IFIT2: variants seen among roughly 807,000 people sequenced by gnomAD.
The protein encoded by IFIT2 is interferon induced protein with tetratricopeptide repeats 2.
IFIT2 carries 3 observed loss-of-function variants against 2.5 expected under a neutral mutation model. The ratio of observed to expected loss-of-function variants is 1.21; its 90% CI spans 0.55 to 3.14. The LOEUF (loss-of-function observed/expected upper bound fraction) is 3.14, where lower values mean the gene tolerates loss of function less well. IFIT2 is among the 30% of genes most tolerant of loss of function. The pLI, the probability that IFIT2 is intolerant of heterozygous loss-of-function variation, is 0.03. For synonymous variants in IFIT2, 212 were observed against 200.7 expected (o/e 1.06, Z -0.48); for missense variants, 493 against 558.9 (o/e 0.88, Z 1.19).
At position 89,306,464 on chromosome 10, in the gene IFIT2, A is replaced by G. The variant is rs1190103336; in HGVS notation, c.508A>G (p.Lys170Glu). The change falls in exon 2 of 2, where the codon AAG (lysine) becomes GAG (glutamate). Residue 170 changes from lysine to glutamate, a missense_variant. Transcript: ENST00000371826. Reference sequence around the variant, plus strand: ...TGAGAAGGCTCTGGAAAAGAAGCCAAAGAACCCAGAATTCACCTCTGGACT... The same window carrying G: ...TGAGAAGGCTCTGGAAAAGAAGCCAGAGAACCCAGAATTCACCTCTGGACT... ...CFEKALEKKP[K>E]NPEFTSGLAI... 6.2e-7 allele frequency: 1 copy of G among 1,614,004 alleles called. No individual in the cohort carries two copies. The highest frequency in any genetic ancestry group is 1.3e-5 in the African/African-American group (1 of 74,908).
In IFIT2 at chr10:89,307,056, C is replaced by T. The variant is rs772035501; in HGVS notation, c.1100C>T (p.Pro367Leu). ...FQKEFSKELTPVAKQLLHLRY... is the reference protein window; with the variant it reads ...FQKEFSKELTLVAKQLLHLRY... ...AAGGAATTCAGTAAAGAGCTTACTC[C>T]TGTAGCGAAACAACTGCTCCATCTG... is the stretch of plus-strand genomic sequence containing the variant. Residue 367 changes from proline (P) to leucine (L), a missense_variant, in exon 2 of 2, where the codon CCT (proline) becomes CTT (leucine). Coordinates refer to ENST00000371826, the MANE Select transcript of IFIT2 (RefSeq NM_001547.5). 1 of 1,613,912 alleles carries T rather than the reference C, an allele frequency of 6.2e-7. No individual in the cohort carries two copies. Among genetic ancestry groups the T allele is most frequent in the African/African-American group, 1.3e-5 (1 of 74,898 alleles).
chr10:89,306,985 C>T lies in IFIT2; in HGVS notation c.1029C>T (p.Leu343=), dbSNP rs1843485343. Residue 343 remains leucine (L), a synonymous_variant, in exon 2 of 2, where the codon CTC becomes CTT. Coordinates refer to ENST00000371826, the MANE Select transcript of IFIT2 (RefSeq NM_001547.5). ...GTGTCTGTTCCATTCTTGCCAGCCT[C>T]CATGCTCTAGCAGATCAGTATGAAG... is the stretch of plus-strand genomic sequence containing the variant. The part of the protein sequence containing the change: ...LFRVCSILAS[L]HALADQYEDA... 1.9e-6 allele frequency: 3 copies of T among 1,613,934 alleles called. No individual in the cohort carries two copies. The South Asian group carries it at 3.3e-5, about 18-fold the overall frequency.
chr10:89,304,686 C>T (rs1421985728), intron 1 of IFIT2, among the ~76,000 whole-genome samples: 1 of 152,154 alleles, frequency 6.6e-6, no homozygotes, highest in Non-Finnish European at 1.5e-5. Context: ...GCATAGAATA[C>T]TATTTATCTC....
intron 1 of IFIT2, among the ~76,000 whole-genome samples, chr10:89,303,373 T>A (rs1431220278): frequency 6.6e-6 from 1 of 152,246 alleles, no homozygotes; most frequent in Non-Finnish European, 1.5e-5. Context: ...ATTCTGAGAC[T>A]GCGGTGGTAG....
At chr10:89,302,739 C>T (rs1399430275) in intron 1 of IFIT2, among the ~76,000 whole-genome samples, 1 of 152,140 alleles carries the variant, frequency 6.6e-6, no homozygotes, top group African/African-American at 2.4e-5. Flanking sequence ...CTGTTCTCAC[C>T]TCTAACATTC....
chr10:89,305,343 G>C (rs370412098), intron 1 of IFIT2, among the ~76,000 whole-genome samples: 24 of 152,006 alleles, frequency 1.6e-4, no homozygotes, highest in African/African-American at 5.8e-4. Flanking sequence ...AGCTCAGAAA[G>C]TTTGAATAGA....
chr10:89,304,780 T>C (rs12763676), intron 1 of IFIT2, among the ~76,000 whole-genome samples: 1 of 152,110 alleles, frequency 6.6e-6, no homozygotes, highest in Non-Finnish European at 1.5e-5. Flanking sequence ...TTTTGTTTTG[T>C]TTTTTGGTTT....
rs1187663144 is a variant in IFIT2 at position 89,308,471 on chromosome 10, T to C, written c.*1096T>C. The C allele has an allele frequency of 6.6e-6, 1 of 151,968 alleles. No individual in the cohort carries two copies. Among genetic ancestry groups the C allele is most frequent in the South Asian group, 2.1e-4 (1 of 4,808 alleles). 9.4% of individuals were successfully genotyped at this position (151,968 alleles called of 1,614,324 possible). A position where few individuals can be genotyped will look rare whatever the true frequency, so the allele number is the denominator to read the frequency against. ...ATGTCATTGATAATAGATGGTGGGG[T>C]TTTCCCCCCTTTAGAAATGTTGGAT... On this transcript the variant is annotated 3_prime_UTR_variant, in exon 2 of 2. Transcript: ENST00000371826.
In IFIT2 at chr10:89,306,457, GA is replaced by G; in HGVS notation, c.503del (p.Lys168SerfsTer13). ...TGTGCTTTGAGAAGGCTCTGGAAAA[GA>G]AGCCAAAGAACCCAGAATTCACCTC... ...KVCFEKALEK[K>X]PKNPEFTSGL... On this transcript the variant is annotated frameshift_variant, in exon 2 of 2. Coordinates refer to ENST00000371826, the MANE Select transcript of IFIT2 (RefSeq NM_001547.5). LOFTEE classifies it low-confidence loss of function (END_TRUNC). 6.2e-7 allele frequency: 1 copy of G among 1,614,120 alleles called. No individual in the cohort carries two copies. The highest frequency in any genetic ancestry group is 8.5e-7 in the Non-Finnish European group (1 of 1,179,994).
rs1413385473 is a variant in IFIT2 at position 89,307,645 on chromosome 10, TG to T, written c.*271del. On this transcript the variant is annotated 3_prime_UTR_variant, in exon 2 of 2. Coordinates refer to ENST00000371826, the MANE Select transcript of IFIT2 (RefSeq NM_001547.5). ...TTGACTTCTTGAGTGCAATTTGAAC[TG>T]TAACATTTGCTTAGTCACCTTTAGT... 1 of 332,904 alleles carries T rather than the reference TG, an allele frequency of 3.0e-6. No individual in the cohort carries two copies. The highest frequency in any genetic ancestry group is 2.0e-5 in the African/African-American group (1 of 48,824). The allele number at this position is 332,904 out of a possible 1,614,324, so 20.6% of individuals were successfully genotyped here. A position where few individuals can be genotyped will look rare whatever the true frequency, so the allele number is the denominator to read the frequency against.
chr10:89,304,978 G>C (rs866709055), intron 1 of IFIT2, among the ~76,000 whole-genome samples: 15 of 147,414 alleles, frequency 1.0e-4, no homozygotes, highest in Admixed American at 2.7e-4. Flanking sequence ...AAACCCAGAA[G>C]AGAAAAATAA....
rs1410015718 is a variant in IFIT2 at position 89,307,070 on chromosome 10, C to T, written c.1114C>T (p.Leu372=). Residue 372 remains leucine, a synonymous_variant, in exon 2 of 2, where the codon CTG becomes TTG. Transcript: ENST00000371826. ...SKELTPVAKQ[L]LHLRYGNFQL... ...AGAGCTTACTCCTGTAGCGAAACAA[C>T]TGCTCCATCTGCGGTATGGCAACTT... 6 of 1,613,940 alleles carry T rather than the reference C, an allele frequency of 3.7e-6. No individual in the cohort carries two copies. Among genetic ancestry groups the T allele is most frequent in the East Asian group, 2.2e-5 (1 of 44,890 alleles).
rs369032186 is a variant in IFIT2 at position 89,303,376 on chromosome 10, G to A, written c.5+1248G>A. On this transcript the variant is annotated intron_variant, in intron 1 of 1. Coordinates refer to ENST00000371826, the MANE Select transcript of IFIT2 (RefSeq NM_001547.5). ...GGCTCCTCAGTGATTCTGAGACTGC[G>A]GTGGTAGCATTAGTTCTGAGCCTGG... Among the ~76,000 whole-genome samples the A allele has an allele frequency of 7.9e-5, 12 of 152,312 alleles. No individual in the cohort carries two copies. In the East Asian group the frequency reaches 1.7e-3, roughly 22 times the overall value.
At position 89,306,348 on chromosome 10, in the gene IFIT2, A is replaced by G. The variant is rs1385732262; in HGVS notation, c.392A>G (p.Tyr131Cys). Reference sequence around the variant, plus strand: ...GTCTGTGAGAAGTTTTCCAGTCCCTATAGAATTGAGAGTCCAGAGCTTGAC... The same window carrying G: ...GTCTGTGAGAAGTTTTCCAGTCCCTGTAGAATTGAGAGTCCAGAGCTTGAC... ...KHVCEKFSSP[Y>C]RIESPELDCE... The change falls in exon 2 of 2, where the codon TAT becomes TGT. Residue 131 changes from tyrosine (Y) to cysteine (C), a missense_variant. Tyr to Cys is a radical substitution (Grantham distance 194). Coordinates refer to ENST00000371826, the MANE Select transcript of IFIT2 (RefSeq NM_001547.5). 6.8e-6 allele frequency: 11 copies of G among 1,614,158 alleles called. No homozygotes were observed. Among genetic ancestry groups the G allele is most frequent in the Non-Finnish European group, 8.5e-6 (10 of 1,180,008 alleles).
At position 89,306,657 on chromosome 10, in the gene IFIT2, A is replaced by G. The variant is rs1267997900; in HGVS notation, c.701A>G (p.Lys234Arg). 6.2e-7 allele frequency: 1 copy of G among 1,614,026 alleles called. No individual in the cohort carries two copies. The highest frequency in any genetic ancestry group is 1.3e-5 in the African/African-American group (1 of 74,932). The change falls in exon 2 of 2, where the codon AAG (lysine) becomes AGG (arginine). Residue 234 changes from lysine (K) to arginine (R), a missense_variant. Physicochemically the swap from Lys to Arg is conservative, Grantham distance 26. Transcript: ENST00000371826. ...EEGEEEGEGE[K>R]LVEEALEKAP... Reference sequence around the variant, plus strand: ...GGTGAAGAGGAAGGTGAAGGAGAGAAGTTAGTTGAAGAAGCCTTGGAGAAA... The same window carrying G: ...GGTGAAGAGGAAGGTGAAGGAGAGAGGTTAGTTGAAGAAGCCTTGGAGAAA...
chr10:89,307,513 T>G lies in IFIT2; in HGVS notation c.*138T>G. The G allele has an allele frequency of 1.4e-6, 1 of 697,156 alleles. No homozygotes were observed. The highest frequency in any genetic ancestry group is 2.3e-6 in the Non-Finnish European group (1 of 426,446). 43.2% of individuals were successfully genotyped at this position (697,156 alleles called of 1,614,324 possible). On this transcript the variant is annotated 3_prime_UTR_variant, in exon 2 of 2. Coordinates refer to ENST00000371826, the MANE Select transcript of IFIT2 (RefSeq NM_001547.5). Reference sequence around the variant, plus strand: ...CACTGGCCATACCACTGGACAGGGTTATGTTAACACCTGAATTGCTGGGTC... The same window carrying G: ...CACTGGCCATACCACTGGACAGGGTGATGTTAACACCTGAATTGCTGGGTC...
chr10:89,305,358 A>C (rs1352948280), intron 1 of IFIT2, among the ~76,000 whole-genome samples: 1 of 152,166 alleles, frequency 6.6e-6, no homozygotes, highest in Non-Finnish European at 1.5e-5. Context: ...AATAGACAAA[A>C]TAAATGAAGG....
At chr10:89,302,815 A>G (rs1843453768) in intron 1 of IFIT2, among the ~76,000 whole-genome samples, 1 of 152,084 alleles carries the variant, frequency 6.6e-6, no homozygotes, top group Non-Finnish European at 1.5e-5. Flanking sequence ...TAGGAAGGGA[A>G]ATATTTTCTC....
chr10:89,302,350 T>G (rs1349307043), intron 1 of IFIT2, among the ~76,000 whole-genome samples: 1 of 151,980 alleles, frequency 6.6e-6, no homozygotes, highest in Non-Finnish European at 1.5e-5. Flanking sequence ...TAAATTCATC[T>G]CCAGAACTGC....
Sources: allele counts gnomAD v4.1 joint callset (sites outside exome capture counted in the v4.1 genomes callset), GRCh38; gene constraint gnomAD v4.1.1; transcripts MANE v1.5; gene names NCBI Gene and HGNC (gene_info 2026-07-23, HGNC 2026-07-21).